The following RNF128 variants were observed in gnomAD, a reference collection of about 807,000 sequenced individuals.
The protein encoded by RNF128 is E3 ubiquitin-protein ligase RNF128.
In RNF128, 13 loss-of-function variants were observed where a neutral mutation model predicts 26.2. The observed-to-expected ratio is 0.50, with a 90% CI of 0.32 to 0.79. The LOEUF is 0.79. Among genes scored for constraint, RNF128 ranks in the 30% least tolerant of loss-of-function variants. The pLI is 0.03. For synonymous variants in RNF128, 149 were observed against 142.5 expected, an observed-to-expected ratio of 1.05 and a Z score of -0.32; for missense variants, 315 against 349.7, an observed-to-expected ratio of 0.90 and a Z score of 0.79.
At chrX:106,697,837 T>C (rs1928897124) in intron 1 of RNF128, among the ~76,000 whole-genome samples, 1 of 110,276 alleles carries the variant, frequency 9.1e-6, no homozygotes, top group Non-Finnish European at 1.9e-5. Flanking sequence ...TTGTGCTGTG[T>C]CCAGTATCAG....
chrX:106,750,820 A>G lies in RNF128; in HGVS notation c.485-22093A>G, dbSNP rs757842848. On this transcript the variant is annotated intron_variant, in intron 1 of 6. Coordinates refer to ENST00000255499, the MANE Select transcript of RNF128 (RefSeq NM_194463.2). ...TTCCTCCCTCAAAGAAAATTATCCA[A>G]TGTGAGAACTCAAAAATGAGTCAGA... Among the ~76,000 whole-genome samples the G allele has an allele frequency of 1.7e-4, 19 of 111,998 alleles. No homozygotes were observed. In the South Asian group the frequency reaches 6.7e-3, roughly 40 times the overall value.
intron 1 of RNF128, among the ~76,000 whole-genome samples, chrX:106,711,758 G>A (rs1420687667): frequency 1.8e-5 from 2 of 111,124 alleles, no homozygotes; most frequent in Non-Finnish European, 3.8e-5. Flanking sequence ...GCACGTTTGG[G>A]TAACTTGTTA....
intron 2 of RNF128, among the ~76,000 whole-genome samples, chrX:106,782,643 CCTT>C (rs1477032952): frequency 2.7e-5 from 3 of 111,754 alleles, no homozygotes; most frequent in Non-Finnish European, 5.6e-5. Context: ...GAGGATATTA[CCTT>C]CTTCTGGGGG....
chrX:106,729,519 T>C (rs1406390169), intron 1 of RNF128, among the ~76,000 whole-genome samples: 1 of 111,623 alleles, frequency 9.0e-6, no homozygotes, highest in African/African-American at 3.3e-5. Context: ...CAACTGTCGA[T>C]TTGAAGACAT....
At chrX:106,789,919 G>T (rs748160862) in intron 4 of RNF128, among the ~76,000 whole-genome samples, 5 of 110,150 alleles carry the variant, frequency 4.5e-5, no homozygotes, top group African/African-American at 1.6e-4. Context: ...AAAGTCTTAG[G>T]TCAGGTAGTG....
intron 1 of RNF128, among the ~76,000 whole-genome samples, chrX:106,698,796 C>T (rs1275707917): frequency 2.7e-5 from 3 of 111,145 alleles, no homozygotes; most frequent in African/African-American, 9.8e-5. Context: ...TCCCATGACA[C>T]TCAGGGTAAA....
intron 1 of RNF128, among the ~76,000 whole-genome samples, chrX:106,744,476 GA>G (rs1459238102): frequency 9.0e-6 from 1 of 110,605 alleles, no homozygotes; most frequent in East Asian, 2.8e-4. Context: ...TATTTTAAAT[GA>G]ATATATATAT....
chrX:106,730,372 A>T lies in RNF128; in HGVS notation c.484+2975A>T, dbSNP rs549212009. Among the ~76,000 whole-genome samples the T allele has an allele frequency of 1.1e-4, 12 of 112,417 alleles. 1 individual carries two copies. In the South Asian group the frequency reaches 4.4e-3, roughly 42 times the overall value. On this transcript the variant is annotated intron_variant, in intron 1 of 6. Coordinates refer to ENST00000255499, the MANE Select transcript of RNF128 (RefSeq NM_194463.2). ...AGTTTGGCTTGCAATCTCTGGATAT[A>T]TTTCAATCAAATCAGTGCAGAAACC... is the stretch of plus-strand genomic sequence containing the variant.
intron 1 of RNF128, among the ~76,000 whole-genome samples, chrX:106,733,995 C>T (rs922481473): frequency 2.7e-5 from 3 of 111,984 alleles, no homozygotes; most frequent in African/African-American, 9.7e-5. Flanking sequence ...GCCACAGTGC[C>T]CAGCTTATCA....
intron 1 of RNF128, among the ~76,000 whole-genome samples, chrX:106,771,185 T>A (rs1930363080): frequency 8.9e-6 from 1 of 112,715 alleles, no homozygotes; most frequent in Admixed American, 9.3e-5. Flanking sequence ...TGTCTCCTAG[T>A]TAGGCTACTG....
chrX:106,776,577 C>G lies in RNF128; in HGVS notation c.732+3417C>G, dbSNP rs775795916. 5.5e-4 allele frequency among the ~76,000 whole-genome samples: 62 copies of G among 111,931 alleles called. 1 individual carries two copies. The highest frequency in any genetic ancestry group is 1.9e-3 in the African/African-American group (60 of 30,841). ...AATCAATATTGGGAAAGAGAATATA[C>G]TCTAACACAACAGAATCTATTAACT... On this transcript the variant is annotated intron_variant, in intron 2 of 6. Transcript: ENST00000255499.
At chrX:106,769,232 G>A (rs1281337760) in intron 1 of RNF128, among the ~76,000 whole-genome samples, 2 of 111,593 alleles carry the variant, frequency 1.8e-5, no homozygotes, top group African/African-American at 6.5e-5. Context: ...TATTAGGTCT[G>A]CTTGGTGCAG....
At chrX:106,758,751 C>T (rs1387735068) in intron 1 of RNF128, among the ~76,000 whole-genome samples, 2 of 111,549 alleles carry the variant, frequency 1.8e-5, no homozygotes, top group Non-Finnish European at 3.8e-5. Context: ...GAAACTAGAC[C>T]CGTATCTCCT....
upstream of RNF128, chrX:106,726,643 A>C: frequency 1.0e-6 from 1 of 959,966 alleles, no homozygotes; most frequent in Non-Finnish European, 1.3e-6. Context: ...AGCCACCTCT[A>C]CCCCCAGTCG....
chrX:106,697,258 A>G (rs1174994101), intron 1 of RNF128, among the ~76,000 whole-genome samples: 1 of 112,143 alleles, frequency 8.9e-6, no homozygotes, highest in Non-Finnish European at 1.9e-5. Flanking sequence ...CTTATTAGCC[A>G]GAATAGAGAA....
intron 1 of RNF128, among the ~76,000 whole-genome samples, chrX:106,748,006 TA>T (rs1929818066): frequency 8.9e-6 from 1 of 111,998 alleles, no homozygotes. Context: ...TGAATGAAAT[TA>T]AGAGTACTGT....
chrX:106,781,644 G>C (rs139378713), intron 2 of RNF128, among the ~76,000 whole-genome samples: 1 of 111,414 alleles, frequency 9.0e-6, no homozygotes, highest in Admixed American at 9.6e-5. Context: ...TAAATCACTT[G>C]TCTTGCATCC....
intron 1 of RNF128, among the ~76,000 whole-genome samples, chrX:106,730,331 A>G (rs1282790978): frequency 8.9e-6 from 1 of 112,421 alleles, no homozygotes; most frequent in African/African-American, 3.2e-5. Flanking sequence ...ATTGCAAATG[A>G]CAGATGCTTA....
intron 1 of RNF128, 86 bp downstream of exon 1, chrX:106,727,483 C>G (rs935343010): frequency 1.4e-5 from 15 of 1,096,134 alleles, no homozygotes; most frequent in Non-Finnish European, 1.8e-5. Flanking sequence ...CTCGTCCTAT[C>G]CCCTTGCTCC....
Sources: gnomAD v4.1 joint callset for allele counts (sites outside exome capture counted in the v4.1 genomes callset) on GRCh38, gnomAD v4.1.1 for gene constraint, MANE v1.5 for transcripts, NCBI Gene and HGNC (gene_info 2026-07-23, HGNC 2026-07-21) for gene names.